The following DOCK10 variants were observed in gnomAD, a reference collection of about 807,000 sequenced individuals.
DOCK10 encodes the protein dedicator of cytokinesis protein 10.
DOCK10 carries 145 observed loss-of-function variants against 280.1 expected under a neutral mutation model. The ratio of observed to expected loss-of-function variants is 0.52; its 90% CI spans 0.45 to 0.59. The LOEUF (loss-of-function observed/expected upper bound fraction) is 0.59. Ranked by LOEUF, DOCK10 falls within the 20% of genes least tolerant of loss-of-function variation. The pLI, the probability that DOCK10 is intolerant of heterozygous loss-of-function variation, is 0.00. For synonymous variants in DOCK10, 915 were observed against 942.2 expected, an observed-to-expected ratio of 0.97 and a Z score of 0.53; for missense variants, 2,368 against 2,651.7, an observed-to-expected ratio of 0.89 and a Z score of 2.35.
intron 25 of DOCK10, among the ~76,000 whole-genome samples, chr2:224,835,833 T>C (rs1695558543): frequency 6.6e-6 from 1 of 152,254 alleles, no homozygotes; most frequent in South Asian, 2.1e-4. Context: ...TCCACATAGG[T>C]GTATTTTTGG....
intron 1 of DOCK10, among the ~76,000 whole-genome samples, chr2:224,979,073 T>C (rs981591313): frequency 1.3e-5 from 2 of 152,214 alleles, no homozygotes; most frequent in Admixed American, 6.5e-5. Context: ...TTTGGGATCA[T>C]TGCAACCGCT....
intron 41 of DOCK10, among the ~76,000 whole-genome samples, 164 bp from the exon 42 acceptor site, chr2:224,798,133 T>C (rs1471206173): frequency 6.6e-6 from 1 of 152,140 alleles, no homozygotes; most frequent in Non-Finnish European, 1.5e-5. Flanking sequence ...GAAACTTACA[T>C]AGCAGTGATT....
At chr2:224,911,553 C>T (rs1208342842) in intron 3 of DOCK10, among the ~76,000 whole-genome samples, 1 of 152,096 alleles carries the variant, frequency 6.6e-6, no homozygotes, top group Non-Finnish European at 1.5e-5. Context: ...TGAATGGTCC[C>T]AGAATTTAGA....
chr2:225,026,877 G>C (rs1266412559), intron 1 of DOCK10, among the ~76,000 whole-genome samples: 1 of 152,128 alleles, frequency 6.6e-6, no homozygotes, highest in African/African-American at 2.4e-5. Flanking sequence ...AATAATACTT[G>C]ATCCACTCTT....
rs1289742991 is a variant in DOCK10 at position 224,787,322 on chromosome 2, C to T, written c.5494G>A (p.Val1832Ile). 13 of 1,613,828 alleles carry T rather than the reference C, an allele frequency of 8.1e-6. No individual in the cohort carries two copies. Among genetic ancestry groups the T allele is most frequent in the Non-Finnish European group, 1.1e-5 (13 of 1,179,884 alleles). Residue 1832 changes from valine to isoleucine, a missense_variant, in exon 49 of 56, where the codon GTC becomes ATC. By Grantham distance (29) the Val-to-Ile change is conservative (BLOSUM62 3). Around this residue, in one of 2 missense-constraint regions of DOCK10, gnomAD observed 1,159 missense variants for 1,400.8 expected, o/e 0.83. Transcript: ENST00000258390. ...AAGACAGCAATGATGGGCTTGTTGA[C>T]ATCAGCAATGAGTTCATATCGCTCA... ...KSERYELIAD[V>I]NKPIIAVFEK...
At chr2:224,766,196 A>C (rs1013257482) in intron 55 of DOCK10, among the ~76,000 whole-genome samples, 4 of 152,234 alleles carry the variant, frequency 2.6e-5, no homozygotes, top group Non-Finnish European at 5.9e-5. Flanking sequence ...TAGAAATTTT[A>C]TTTAAATGTT....
chr2:224,814,249 G>A, intron 31 of DOCK10, 71 bp downstream of exon 31: 2 of 913,028 alleles, frequency 2.2e-6, no homozygotes, highest in Non-Finnish European at 3.1e-6. Flanking sequence ...CCAGAAACTG[G>A]AAATTTATAG....
At position 224,800,230 on chromosome 2, in the gene DOCK10, A is replaced by G; in HGVS notation, c.4427T>C (p.Val1476Ala). ...CGTAGCTATATTGGCCTCAGTGTCT[A>G]CATGATGCACGATGTCTATTTCATT... ...NSNEIDIVHHVDTEANIATEV... is the reference protein window; with the variant it reads ...NSNEIDIVHHADTEANIATEV... Residue 1476 changes from valine (V) to alanine (A), a missense_variant, in exon 41 of 56, where the codon GTA becomes GCA. Coordinates refer to ENST00000258390, the MANE Select transcript of DOCK10 (RefSeq NM_014689.3). 13 of 1,611,670 alleles carry G rather than the reference A, an allele frequency of 8.1e-6. No individual in the cohort carries two copies. The highest frequency in any genetic ancestry group is 1.1e-5 in the Non-Finnish European group (13 of 1,178,562).
At position 224,805,098 on chromosome 2, in the gene DOCK10, C is replaced by T. The variant is rs750770272; in HGVS notation, c.4078G>A (p.Ala1360Thr). ...AAGTCGGACACCTCTGGGCTGGGAG[C>T]TCTCTGCCAGTAGGCAATCAGAGTC... ...YETLIAYWQR[A>T]PSPEVSDFFS... The change falls in exon 37 of 56, where the codon GCT becomes ACT. Residue 1360 changes from alanine to threonine, a missense_variant. Coordinates refer to ENST00000258390, the MANE Select transcript of DOCK10 (RefSeq NM_014689.3). The surrounding 1 kb of genome is among the most constrained non-coding windows in gnomAD (Gnocchi z 4.3). 13 of 1,611,638 alleles carry T rather than the reference C, an allele frequency of 8.1e-6. No homozygotes were observed. In the South Asian group the frequency reaches 1.4e-4, roughly 18 times the overall value.
chr2:224,781,886 A>G (rs1017966409), intron 50 of DOCK10, among the ~76,000 whole-genome samples: 1 of 152,168 alleles, frequency 6.6e-6, no homozygotes, highest in African/African-American at 2.4e-5. Context: ...GAATCTTGCA[A>G]TGTCCCTGGA....
chr2:224,958,036 G>C (rs1704152951), intron 1 of DOCK10, among the ~76,000 whole-genome samples: 1 of 152,158 alleles, frequency 6.6e-6, no homozygotes, highest in Admixed American at 6.5e-5. Context: ...TACTTGCCAG[G>C]TACCTCTGGG....
intron 11 of DOCK10, among the ~76,000 whole-genome samples, chr2:224,871,913 G>A (rs1001013701): frequency 6.6e-6 from 1 of 151,916 alleles, no homozygotes; most frequent in Non-Finnish European, 1.5e-5. Context: ...ACTTTCTGCC[G>A]TTTTCAAAAA....
chr2:224,825,169 G>A (rs1694765331), intron 27 of DOCK10, among the ~76,000 whole-genome samples: 1 of 151,580 alleles, frequency 6.6e-6, no homozygotes, highest in African/African-American at 2.4e-5. Context: ...TAGTAGAGAT[G>A]GGGTTTCACC....
chr2:224,766,720 A>G (rs1331573599), intron 55 of DOCK10, among the ~76,000 whole-genome samples: 1 of 152,350 alleles, frequency 6.6e-6, no homozygotes, highest in East Asian at 1.9e-4. Context: ...GAATGTTGAA[A>G]CAGACTCCAA....
At chr2:225,035,572 A>ATATATATATATATATATAT (rs1559986747) in intron 1 of DOCK10, among the ~76,000 whole-genome samples, 2,300 of 69,900 alleles carry the variant, frequency 0.033, 184 homozygotes, top group Non-Finnish European at 0.049. Context: ...ATATATATAT[A>ATATATATATATATATATAT]TATATATATA....
At chr2:224,934,583 G>C (rs1702580163) in intron 1 of DOCK10, among the ~76,000 whole-genome samples, 1 of 152,198 alleles carries the variant, frequency 6.6e-6, no homozygotes, top group South Asian at 2.1e-4. Context: ...AGTTCTGTCC[G>C]CAGCAAGGGA....
At chr2:224,897,878 T>C (rs1700075266) in intron 3 of DOCK10, among the ~76,000 whole-genome samples, 2 of 152,216 alleles carry the variant, frequency 1.3e-5, no homozygotes, top group South Asian at 4.1e-4. Flanking sequence ...CATAGATCTG[T>C]AATGGGATTT....
intron 2 of DOCK10, among the ~76,000 whole-genome samples, chr2:224,918,048 G>C (rs1358436947): frequency 2.0e-5 from 3 of 152,184 alleles, no homozygotes; most frequent in South Asian, 2.1e-4. Context: ...GTAGGGAGGG[G>C]TCAAGGGAGT....
At chr2:224,811,837 T>C (rs1384672332) in intron 31 of DOCK10, among the ~76,000 whole-genome samples, 1 of 151,742 alleles carries the variant, frequency 6.6e-6, no homozygotes, top group Non-Finnish European at 1.5e-5. Flanking sequence ...TCTGTTCCAT[T>C]GATCTATATC....
Sources: gnomAD v4.1 joint callset for allele counts (sites outside exome capture counted in the v4.1 genomes callset) on GRCh38, gnomAD v4.1.1 for gene constraint, gnomAD v4.1.1 regional missense constraint, Gnocchi (gnomAD v3.1) non-coding constraint, MANE v1.5 for transcripts, NCBI Gene and HGNC (gene_info 2026-07-23, HGNC 2026-07-21) for gene names.